SMG1: variants seen among roughly 807,000 people sequenced by gnomAD.
SMG1 encodes the protein serine/threonine-protein kinase SMG1.
A neutral mutation model predicts 419.9 loss-of-function variants in SMG1; 22 were observed. The ratio of observed to expected loss-of-function variants is 0.05; its 90% CI spans 0.04 to 0.07. The LOEUF (loss-of-function observed/expected upper bound fraction) is 0.07. Among genes scored for constraint, SMG1 ranks in the 10% least tolerant of loss-of-function variants. SMG1 has a pLI of 1.00. For missense variants in SMG1, 3,185 were observed against 4,342.0 expected, an observed-to-expected ratio of 0.73 and a Z score of 7.49; for synonymous variants, 1,538 against 1,553.5, an observed-to-expected ratio of 0.99 and a Z score of 0.23.
At chr16:18,891,028 C>G (rs1405127746) in intron 4 of SMG1, 107 bp from the exon 5 acceptor site, 1 of 683,918 alleles carries the variant, frequency 1.5e-6, no homozygotes, top group Non-Finnish European at 2.7e-6. Flanking sequence ...TTCAACAGTA[C>G]TTTAGTTTCT....
chr16:18,916,622 C>CA (rs138491329), intron 1 of SMG1, among the ~76,000 whole-genome samples: 21,856 of 147,372 alleles, frequency 0.15, 1,707 homozygotes, highest in Middle Eastern at 0.23. Flanking sequence ...AAAACACACA[C>CA]AAAAAAAAAC....
intron 39 of SMG1, among the ~76,000 whole-genome samples, chr16:18,843,723 G>A (rs769686518): frequency 6.6e-6 from 1 of 152,128 alleles, no homozygotes; most frequent in African/African-American, 2.4e-5. Context: ...GATCTCATTC[G>A]TAGAAGTTCA....
At chr16:18,817,241 T>C (rs780877291) in intron 57 of SMG1, 50 bp downstream of exon 57, 33 of 1,457,286 alleles carry the variant, frequency 2.3e-5, no homozygotes, top group Non-Finnish European at 3.0e-5. Flanking sequence ...TTGATTTTAA[T>C]AGTATAACAC....
At chr16:18,857,320 AT>A (rs1489648617) in intron 29 of SMG1, 1 of 152,248 alleles carries the variant, frequency 6.6e-6, no homozygotes, top group Non-Finnish European at 1.5e-5. Flanking sequence ...CCTTTGACAT[AT>A]AAATATTTAT....
intron 15 of SMG1, 49 bp from the exon 16 acceptor site, chr16:18,871,531 CA>C: frequency 1.1e-6 from 1 of 947,250 alleles, no homozygotes; most frequent in Non-Finnish European, 1.5e-6. Flanking sequence ...AAACAAAAAC[CA>C]AAAAACATTA....
chr16:18,902,946 A>G (rs1403485931), intron 1 of SMG1, among the ~76,000 whole-genome samples: 3 of 152,056 alleles, frequency 2.0e-5, no homozygotes, highest in African/African-American at 7.2e-5. Context: ...CCTCCCAAGT[A>G]GCTGAGACCA....
chr16:18,817,505 G>A lies in SMG1; in HGVS notation c.9895-35C>T, dbSNP rs763865439. The A allele has an allele frequency of 3.4e-6, 5 of 1,487,938 alleles. No homozygotes were observed. In the East Asian group the frequency reaches 9.9e-5, roughly 29 times the overall value. The allele number at this position is 1,487,938 out of a possible 1,614,324, so 92.2% of individuals were successfully genotyped here. ...CAGAAATGGAACCACAAGAGGAGAT[G>A]GGAGGAAGGTGGGAAAGGGAGGTGG... is the stretch of plus-strand genomic sequence containing the variant. On this transcript the variant is annotated intron_variant, in intron 56 of 62. Transcript: ENST00000446231.
rs1202269330 is a variant in SMG1 at position 18,819,671 on chromosome 16, A to C, written c.9742-17T>G. 2 of 1,531,058 alleles carry C rather than the reference A, an allele frequency of 1.3e-6. No homozygotes were observed. The highest frequency in any genetic ancestry group is 1.8e-6 in the Non-Finnish European group (2 of 1,140,130). The allele number at this position is 1,531,058 out of a possible 1,614,324, so 94.8% of individuals were successfully genotyped here. ...TAGCTTCTCCTATAAAAGCCAGCAG[A>C]ATCTTGGTGAAGGTATATGACATTC... On this transcript the variant is annotated splice_polypyrimidine_tract_variant and intron_variant, in intron 55 of 62. Transcript: ENST00000446231.
Position 18,853,602 on chromosome 16 carries a change from C to T in SMG1, c.4749G>A (p.Arg1583=), listed in dbSNP as rs772800407. The change falls in exon 31 of 63, where the codon CGG becomes CGA. Residue 1583 remains arginine (R), a synonymous_variant. Coordinates refer to ENST00000446231, the MANE Select transcript of SMG1 (RefSeq NM_015092.5). ...CTCTACCTGTAGATTCACTCTCGAT[C>T]CGAGGATACTCTTCTTCCATCGTAT... ...SVNTMEEEYP[R]IESESTVHIG... 5.0e-6 allele frequency: 8 copies of T among 1,601,818 alleles called. No homozygotes were observed. The East Asian group carries it at 1.3e-4, about 27-fold the overall frequency.
chr16:18,810,236 T>C (rs141091158), intron 62 of SMG1, among the ~76,000 whole-genome samples: 1 of 152,280 alleles, frequency 6.6e-6, no homozygotes, highest in Non-Finnish European at 1.5e-5. Context: ...TGGCACAAAC[T>C]GACATGTGTC....
At position 18,887,516 on chromosome 16, in the gene SMG1, C is replaced by CTTTGTTTTTTTTTTT. The variant is rs749197007; in HGVS notation, c.823-1851_823-1850insAAAAAAAAAAACAAA. On this transcript the variant is annotated intron_variant, in intron 6 of 62. Coordinates refer to ENST00000446231, the MANE Select transcript of SMG1 (RefSeq NM_015092.5). ...ACCACGCCCGACTTATTTTTTTTTC[C>CTTTGTTTTTTTTTTT]TTTTTTTTTTTTTTTTTAATAGAAA... Among the ~76,000 whole-genome samples the CTTTGTTTTTTTTTTT allele has an allele frequency of 8.2e-3, 901 of 110,046 alleles. 61 individuals are homozygous for CTTTGTTTTTTTTTTT. Among genetic ancestry groups the CTTTGTTTTTTTTTTT allele is most frequent in the East Asian group, 0.071 (285 of 3,994 alleles). 72.2% of individuals were successfully genotyped at this position (110,046 alleles called of 152,430 possible). A position where few individuals can be genotyped will look rare whatever the true frequency, so the allele number is the denominator to read the frequency against.
At chr16:18,905,479 A>C (rs1290158110) in intron 1 of SMG1, among the ~76,000 whole-genome samples, 1 of 152,032 alleles carries the variant, frequency 6.6e-6, no homozygotes, top group Non-Finnish European at 1.5e-5. Context: ...TGGCTCTAAA[A>C]TCCCATGAGA....
chr16:18,861,315 T>C (rs1350247367), intron 25 of SMG1: 1 of 152,632 alleles, frequency 6.6e-6, no homozygotes, highest in Non-Finnish European at 1.5e-5. Context: ...CATCTGCTTA[T>C]ATGAAAAATA....
intron 3 of SMG1, among the ~76,000 whole-genome samples, chr16:18,892,857 AC>A (rs1403883648): frequency 6.6e-6 from 1 of 152,164 alleles, no homozygotes; most frequent in African/African-American, 2.4e-5. Context: ...CAAATAACAG[AC>A]CCTCAAAAAA....
At chr16:18,849,528 A>C in intron 35 of SMG1, 150 bp from the exon 36 acceptor site, 1 of 779,574 alleles carries the variant, frequency 1.3e-6, no homozygotes, top group East Asian at 2.6e-5. Context: ...ATAATAAAGA[A>C]CCATACACAA....
At chr16:18,839,181 T>A (rs1312917980) in intron 42 of SMG1, among the ~76,000 whole-genome samples, 1 of 152,126 alleles carries the variant, frequency 6.6e-6, no homozygotes, top group Non-Finnish European at 1.5e-5. Flanking sequence ...TGATTTTATT[T>A]AAAAAAATTT....
intron 30 of SMG1, 132 bp downstream of exon 30, chr16:18,854,524 G>A (rs930527587): frequency 2.3e-6 from 2 of 853,108 alleles, no homozygotes; most frequent in African/African-American, 3.4e-5. Flanking sequence ...TTATTATTCA[G>A]GATGCAAATG....
chr16:18,902,593 A>G (rs1438901241), intron 1 of SMG1, among the ~76,000 whole-genome samples: 1 of 151,994 alleles, frequency 6.6e-6, no homozygotes, highest in African/African-American at 2.4e-5. Flanking sequence ...CCAGCAACTC[A>G]GGTGGCTGAC....
rs574959035 is a variant in SMG1, at chr16:18,860,000, C to T, written c.3806-297G>A. Reference sequence around the variant, plus strand: ...TTGGGAGGCCAAGGTGGGTGGATCACGAGGTCAGGAGTTCAAGACCAGCCT... The same window carrying T: ...TTGGGAGGCCAAGGTGGGTGGATCATGAGGTCAGGAGTTCAAGACCAGCCT... On this transcript the variant is annotated intron_variant, in intron 26 of 62. Transcript: ENST00000446231. 1.1e-4 allele frequency among the ~76,000 whole-genome samples: 16 copies of T among 152,226 alleles called. 1 individual carries two copies. In the South Asian group the frequency reaches 3.3e-3, roughly 32 times the overall value.
Sources: allele counts gnomAD v4.1 joint callset (sites outside exome capture counted in the v4.1 genomes callset), GRCh38; gene constraint gnomAD v4.1.1; transcripts MANE v1.5; gene names NCBI Gene and HGNC (gene_info 2026-07-23, HGNC 2026-07-21).